UBE4B: variants seen among roughly 807,000 people sequenced by gnomAD.
UBE4B encodes ubiquitination factor E4B.
In UBE4B, 27 loss-of-function variants were observed where a neutral mutation model predicts 148.1. The ratio of observed to expected loss-of-function variants is 0.18; its 90% CI spans 0.13 to 0.25. The LOEUF (loss-of-function observed/expected upper bound fraction) is 0.25. Ranked by LOEUF, UBE4B falls within the 10% of genes least tolerant of loss-of-function variation. UBE4B has a pLI of 1.00. For synonymous variants in UBE4B, 596 were observed against 619.3 expected (o/e 0.96, Z 0.56); for missense variants, 1,170 against 1,662.4 (o/e 0.70, Z 5.15).
In UBE4B at chr1:10,078,516, C is replaced by T. The variant is rs1215483619; in HGVS notation, c.211+6302C>T. 4.6e-5 allele frequency among the ~76,000 whole-genome samples: 7 copies of T among 152,092 alleles called. No homozygotes were observed. The East Asian group carries it at 1.4e-3, about 29-fold the overall frequency. Reference sequence around the variant, plus strand: ...ACAGTCTAGTTTTCTTAGTTTCTTCCCCTATCTTTAGATGATTTGTGATTG... The same window carrying T: ...ACAGTCTAGTTTTCTTAGTTTCTTCTCCTATCTTTAGATGATTTGTGATTG... On this transcript the variant is annotated intron_variant, in intron 2 of 27. Transcript: ENST00000343090.
intron 1 of UBE4B, among the ~76,000 whole-genome samples, chr1:10,069,927 G>T (rs1644455282): frequency 6.6e-6 from 1 of 152,110 alleles, no homozygotes; most frequent in Non-Finnish European, 1.5e-5. Context: ...AGTAATAAAG[G>T]TTGAATTTGA....
chr1:10,036,258 T>A (rs1643527986), intron 1 of UBE4B, among the ~76,000 whole-genome samples: 1 of 151,878 alleles, frequency 6.6e-6, no homozygotes. Context: ...AAGGTGTAAC[T>A]TTTTTTTGTG....
Position 10,098,017 on chromosome 1 carries a change from T to G in UBE4B, c.347+2421T>G, listed in dbSNP as rs61782903. On this transcript the variant is annotated intron_variant, in intron 3 of 27. Transcript: ENST00000343090. ...TCCCGAGTAGCTGGGATTACAGACA[T>G]GGGCCACCACGCATGGCTAATTTTT... Among the ~76,000 whole-genome samples the G allele has an allele frequency of 3.6e-3, 554 of 151,968 alleles. 2 individuals are homozygous for G. The highest frequency in any genetic ancestry group is 6.8e-3 in the Middle Eastern group (2 of 294).
chr1:10,118,138 T>C (rs1362703533), intron 8 of UBE4B, among the ~76,000 whole-genome samples: 1 of 152,098 alleles, frequency 6.6e-6, no homozygotes, highest in Non-Finnish European at 1.5e-5. Flanking sequence ...CTCAGTAAGC[T>C]ACCCTTTTCC....
rs1332478224 is a variant in UBE4B, at chr1:10,179,453, G to C, written c.3738G>C (p.Arg1246=). Residue 1246 remains arginine (R), a synonymous_variant, in exon 27 of 28, where the codon CGG becomes CGC. Transcript: ENST00000343090. ...ACACCCTCATGACAGACCCCGTGCG[G>C]CTGCCCTCTGGCACCATCATGGACC... ...LMDTLMTDPV[R]LPSGTIMDRS... 1 of 1,613,982 alleles carries C rather than the reference G, an allele frequency of 6.2e-7. No homozygotes were observed. Among genetic ancestry groups the C allele is most frequent in the South Asian group, 1.1e-5 (1 of 91,078 alleles).
chr1:10,114,719 C>T (rs773926485), intron 7 of UBE4B, among the ~76,000 whole-genome samples: 2 of 152,070 alleles, frequency 1.3e-5, no homozygotes, highest in Non-Finnish European at 2.9e-5. Context: ...CAAAAATTAG[C>T]TGTACATGGT....
At chr1:10,144,509 G>A (rs926576302) in intron 17 of UBE4B, among the ~76,000 whole-genome samples, 70 of 152,116 alleles carry the variant, frequency 4.6e-4, no homozygotes, top group Non-Finnish European at 2.4e-4. Context: ...GCTGGGGCAG[G>A]CAGACCACAA....
At chr1:10,165,382 C>T (rs577198627) in intron 23 of UBE4B, among the ~76,000 whole-genome samples, 1 of 152,236 alleles carries the variant, frequency 6.6e-6, no homozygotes, top group East Asian at 1.9e-4. Context: ...GTTGGCATCT[C>T]TTACCTGGGT....
At chr1:10,089,946 CG>C (rs1410815990) in intron 2 of UBE4B, among the ~76,000 whole-genome samples, 1 of 151,932 alleles carries the variant, frequency 6.6e-6, no homozygotes, top group African/African-American at 2.4e-5. Context: ...CCGCCCACCT[CG>C]GCCTCCCAAA....
intron 1 of UBE4B, among the ~76,000 whole-genome samples, chr1:10,061,265 TG>T (rs201532358): frequency 3.3e-5 from 5 of 152,242 alleles, no homozygotes; most frequent in African/African-American, 1.2e-4. Context: ...CAAGTTTGTT[TG>T]TTTTTTTGTG....
intron 1 of UBE4B, among the ~76,000 whole-genome samples, chr1:10,040,058 G>A (rs1320430974): frequency 6.6e-6 from 1 of 152,062 alleles, no homozygotes; most frequent in Non-Finnish European, 1.5e-5. Flanking sequence ...TATGGAGAAG[G>A]ATAGATAAGG....
chr1:10,121,716 C>T (rs576353325), intron 9 of UBE4B, among the ~76,000 whole-genome samples: 1 of 152,106 alleles, frequency 6.6e-6, no homozygotes, highest in Non-Finnish European at 1.5e-5. Context: ...TTCAGTGCTT[C>T]ATTTTTAAAG....
chr1:10,106,480 G>A lies in UBE4B; in HGVS notation c.1093G>A (p.Ala365Thr), dbSNP rs746328640. ...CGCCAGTAGCCCCCAAGCAGTGCCC[G>A]CCAGCAGTTCCAGACAGAGGCCCAG... ...ALASSPQAVP[A>T]SSSRQRPSST... Residue 365 changes from alanine to threonine, a missense_variant, in exon 7 of 28, where the codon GCC becomes ACC. Transcript: ENST00000343090. This position sits in a 1 kb window ranked among gnomAD's most constrained non-coding sequence, Gnocchi z 4.2. 4 of 1,613,576 alleles carry A rather than the reference G, an allele frequency of 2.5e-6. No individual in the cohort carries two copies. The highest frequency in any genetic ancestry group is 1.1e-5 in the South Asian group (1 of 91,050).
At chr1:10,049,579 T>TA (rs34390177) in intron 1 of UBE4B, among the ~76,000 whole-genome samples, 28,526 of 145,348 alleles carry the variant, frequency 0.2, 3,701 homozygotes, top group African/African-American at 0.36. Flanking sequence ...ACCTTTTCTC[T>TA]AAAAAAAAAA....
chr1:10,127,014 T>A (rs966832217), intron 11 of UBE4B, 137 bp downstream of exon 11: 2 of 770,556 alleles, frequency 2.6e-6, no homozygotes, highest in Admixed American at 4.9e-5. Context: ...GTGTTGGCCA[T>A]GCAGAGTGTT....
intron 1 of UBE4B, 48 bp downstream of exon 1, chr1:10,033,742 G>A: frequency 4.6e-6 from 7 of 1,519,788 alleles, no homozygotes; most frequent in Non-Finnish European, 6.2e-6. Context: ...CAACTCGTTA[G>A]CGCTTTGGAC....
chr1:10,168,092 G>T lies in UBE4B; in HGVS notation c.3199-44G>T. On this transcript the variant is annotated intron_variant, in intron 23 of 27. Transcript: ENST00000343090. This position sits in a 1 kb window ranked among gnomAD's most constrained non-coding sequence, Gnocchi z 4.9. The stretch of plus-strand genomic sequence containing the variant: ...GTGCTTGGCGCTTTGCTGAGCTGAT[G>T]ACCAGGACCGAGCCTTACTCAGCGT... The T allele has an allele frequency of 1.3e-6, 2 of 1,587,546 alleles. No individual in the cohort carries two copies. Among genetic ancestry groups the T allele is most frequent in the South Asian group, 2.2e-5 (2 of 89,056 alleles).
At chr1:10,114,122 A>C (rs543159274) in intron 7 of UBE4B, among the ~76,000 whole-genome samples, 1 of 151,692 alleles carries the variant, frequency 6.6e-6, no homozygotes, top group African/African-American at 2.4e-5. Context: ...AAATGTAAAG[A>C]TGTGAGAAGA....
In UBE4B at chr1:10,178,740, G is replaced by T. The variant is rs762500508; in HGVS notation, c.3622G>T (p.Ala1208Ser). The change falls in exon 26 of 28, where the codon GCC (alanine) becomes TCC (serine). Residue 1208 changes from alanine to serine, a missense_variant. By Grantham distance (99) the Ala-to-Ser change is moderately conservative. This residue lies in a region of UBE4B where 348 missense variants were observed against 627.2 expected (regional missense o/e 0.55). Transcript: ENST00000343090. Reference sequence around the variant, plus strand: ...AGCAATAGAAAAATTTAAGCTGCTCGCCGAGAAAGTGGAGGAGATAGTGGC... The same window carrying T: ...AGCAATAGAAAAATTTAAGCTGCTCTCCGAGAAAGTGGAGGAGATAGTGGC... ...TIAIEKFKLL[A>S]EKVEEIVAKN... 2.0e-5 allele frequency: 33 copies of T among 1,613,744 alleles called. No individual in the cohort carries two copies. In the East Asian group the frequency reaches 6.0e-4, roughly 29 times the overall value.
Sources: gnomAD v4.1 joint callset for allele counts (sites outside exome capture counted in the v4.1 genomes callset) on GRCh38, gnomAD v4.1.1 for gene constraint, gnomAD v4.1.1 regional missense constraint, Gnocchi (gnomAD v3.1) non-coding constraint, MANE v1.5 for transcripts, NCBI Gene and HGNC (gene_info 2026-07-23, HGNC 2026-07-21) for gene names.